The following FAM174C variants were observed in gnomAD, a reference collection of about 807,000 sequenced individuals.
The protein encoded by FAM174C is protein FAM174C.
Under a neutral mutation model 12.3 loss-of-function variants are expected in FAM174C, and 19 were observed. The ratio of observed to expected loss-of-function variants is 1.55; its 90% CI spans 1.08 to 2.27. The LOEUF (loss-of-function observed/expected upper bound fraction) is 2.27. Among genes scored for constraint, FAM174C ranks in the 30% most tolerant of loss-of-function variants. The probability of loss-of-function intolerance (pLI) is 0.00; values close to 1 mark genes in which losing one functional copy is unlikely to be tolerated. For missense variants in FAM174C, 239 were observed against 190.2 expected (o/e 1.26, Z -1.51); for synonymous variants, 147 against 103.5 (o/e 1.42, Z -2.55).
chr19:1,275,575 CGCT>C lies in FAM174C; in HGVS notation c.36_38del (p.Leu15del), dbSNP rs921409765. The stretch of plus-strand genomic sequence containing the variant: ...ATGGGGCCGCGCGTGCTGCAGCCGC[CGCT>C]GCTGCTGCTCCTGCTGGCGCTGCTG... On this transcript the variant is annotated inframe_deletion, in exon 1 of 3. Transcript: ENST00000409293. 9 of 1,226,144 alleles carry C rather than the reference CGCT, an allele frequency of 7.3e-6. No homozygotes were observed. The highest frequency in any genetic ancestry group is 3.8e-5 in the South Asian group (1 of 26,524). The allele number at this position is 1,226,144 out of a possible 1,614,324, so 76.0% of individuals were successfully genotyped here.
At position 1,275,738 on chromosome 19, in the gene FAM174C, G is replaced by C; in HGVS notation, c.189G>C (p.Pro63=). Residue 63 remains proline (P), a synonymous_variant, in exon 1 of 3, where the codon CCG becomes CCC. Transcript: ENST00000409293. ...ACAACAGCACGCACACGCGTCCGCC[G>C]GGGGCGTCGGGCTCGGCGCTGACGC... is the stretch of plus-strand genomic sequence containing the variant. ...APHNSTHTRP[P]GASGSALTRS... is the part of the protein sequence containing the mutation. 1 of 1,533,646 alleles carries C rather than the reference G, an allele frequency of 6.5e-7. No homozygotes were observed. The highest frequency in any genetic ancestry group is 8.7e-7 in the Non-Finnish European group (1 of 1,144,104).
At chr19:1,278,250 A>ATGGG (rs2081424213) in intron 2 of FAM174C, among the ~76,000 whole-genome samples, 1 of 13,124 alleles carries the variant, frequency 7.6e-5, no homozygotes, top group South Asian at 2.4e-3. Context: ...GGCTTCTGGA[A>ATGGG]GAGTGTCTCA....
chr19:1,278,599 A>C (rs1468648692), intron 2 of FAM174C, among the ~76,000 whole-genome samples, 178 bp from the exon 3 acceptor site: 1 of 93,616 alleles, frequency 1.1e-5, no homozygotes, highest in East Asian at 5.3e-4. Context: ...CTTCCCCCGG[A>C]GTGGGCAGTT....
At chr19:1,276,725 T>TC (rs1394446544) in intron 1 of FAM174C, 1 of 154,826 alleles carries the variant, frequency 6.5e-6, no homozygotes. Context: ...GTGCAGAGCC[T>TC]CCCCTGTGCT....
rs1442533528 is a variant in FAM174C at position 1,275,746 on chromosome 19, C to G, written c.197C>G (p.Ser66Trp). The G allele has an allele frequency of 1.3e-6, 2 of 1,535,182 alleles. No homozygotes were observed. The highest frequency in any genetic ancestry group is 1.4e-5 in the African/African-American group (1 of 71,808). Residue 66 changes from serine (S) to tryptophan (W), a missense_variant, in exon 1 of 3, where the codon TCG (serine) becomes TGG (tryptophan). By Grantham distance (177) the Ser-to-Trp change is radical. Coordinates refer to ENST00000409293, the MANE Select transcript of FAM174C (RefSeq NM_017914.4). The part of the protein sequence containing the change: ...NSTHTRPPGA[S>W]GSALTRSFYV... The stretch of plus-strand genomic sequence containing the variant: ...ACGCACACGCGTCCGCCGGGGGCGT[C>G]GGGCTCGGCGCTGACGCGCTCCTTC...
At chr19:1,275,976 G>A in intron 1 of FAM174C, 146 bp downstream of exon 1, 1 of 790,146 alleles carries the variant, frequency 1.3e-6, no homozygotes, top group East Asian at 2.9e-5. Context: ...GCGGTGCTGT[G>A]CGGGGTCGTC....
At chr19:1,278,331 G>A (rs948261757) in intron 2 of FAM174C, among the ~76,000 whole-genome samples, 3 of 152,180 alleles carry the variant, frequency 2.0e-5, no homozygotes, top group African/African-American at 7.2e-5. Context: ...CCTGGGCATC[G>A]AGGCAGCTGT....
chr19:1,275,933 T>TCCCTCCCTCCCTCCCA (rs2081412036), intron 1 of FAM174C, 103 bp downstream of exon 1: 1 of 952,802 alleles, frequency 1.0e-6, no homozygotes, highest in African/African-American at 2.6e-5. Flanking sequence ...CCTCCCTCCC[T>TCCCTCCCTCCCTCCCA]CCCTCCCTCT....
intron 1 of FAM174C, 35 bp downstream of exon 1, chr19:1,275,865 C>T (rs1458666416): frequency 1.1e-5 from 17 of 1,526,562 alleles, no homozygotes; most frequent in African/African-American, 4.2e-5. Context: ...GTCTCTCAGC[C>T]TTGGCCAATT....
intron 2 of FAM174C, among the ~76,000 whole-genome samples, 176 bp downstream of exon 2, chr19:1,277,475 A>G (rs926446316): frequency 2.0e-5 from 3 of 150,272 alleles, no homozygotes; most frequent in South Asian, 2.1e-4. Flanking sequence ...TCCATTTACA[A>G]CTTTTTTTTT....
chr19:1,275,795 C>G lies in FAM174C; in HGVS notation c.246C>G (p.Gly82=). ...RSFYVILGFC[G]LTALYFLIRA... ...TCTACGTGATCCTGGGCTTCTGCGGCCTGACCGCGCTCTACTTCCTGATCC... is the reference window on the plus strand; with the variant it reads ...TCTACGTGATCCTGGGCTTCTGCGGGCTGACCGCGCTCTACTTCCTGATCC... The change falls in exon 1 of 3, where the codon GGC becomes GGG. Residue 82 remains glycine, a synonymous_variant. Transcript: ENST00000409293. The G allele has an allele frequency of 6.5e-7, 1 of 1,538,696 alleles. No homozygotes were observed. The highest frequency in any genetic ancestry group is 8.7e-7 in the Non-Finnish European group (1 of 1,146,318).
At chr19:1,275,933 T>A (rs1396077514) in intron 1 of FAM174C, 103 bp downstream of exon 1, 8 of 950,252 alleles carry the variant, frequency 8.4e-6, no homozygotes, top group Non-Finnish European at 1.2e-5. Flanking sequence ...CCTCCCTCCC[T>A]CCCTCCCTCT....
chr19:1,275,933 T>G, intron 1 of FAM174C, 103 bp downstream of exon 1: 1 of 950,250 alleles, frequency 1.1e-6, no homozygotes, highest in South Asian at 1.5e-5. Context: ...CCTCCCTCCC[T>G]CCCTCCCTCT....
Position 1,275,537 on chromosome 19 carries a change from C to G in FAM174C, c.-13C>G. 8.3e-7 allele frequency: 1 copy of G among 1,205,522 alleles called. No individual in the cohort carries two copies. Among genetic ancestry groups the G allele is most frequent in the Middle Eastern group, 3.3e-4 (1 of 3,050 alleles). 74.7% of individuals were successfully genotyped at this position (1,205,522 alleles called of 1,614,324 possible). A position where few individuals can be genotyped will look rare whatever the true frequency, so the allele number is the denominator to read the frequency against. Reference sequence around the variant, plus strand: ...GCATAGGGGCGGGGCGCCGCCACCGCTTCCGCCGGGCCATGGGGCCGCGCG... The same window carrying G: ...GCATAGGGGCGGGGCGCCGCCACCGGTTCCGCCGGGCCATGGGGCCGCGCG... On this transcript the variant is annotated 5_prime_UTR_variant, in exon 1 of 3. Transcript: ENST00000409293.
At chr19:1,276,968 G>T (rs893442100) in intron 1 of FAM174C, 28 of 612,624 alleles carry the variant, frequency 4.6e-5, no homozygotes, top group Non-Finnish European at 6.8e-5. Context: ...AGATGGGAGG[G>T]CCTGGTAGGG....
chr19:1,276,829 G>T (rs1215955875), intron 1 of FAM174C: 1 of 167,316 alleles, frequency 6.0e-6, no homozygotes, highest in East Asian at 1.7e-4. Flanking sequence ...GCCACCAGGG[G>T]CTTGGCCCTG....
chr19:1,278,473 G>T (rs956944978), intron 2 of FAM174C, among the ~76,000 whole-genome samples: 16 of 152,118 alleles, frequency 1.1e-4, no homozygotes, highest in Non-Finnish European at 2.2e-4. Context: ...GCGGCCTCTG[G>T]GGACAGCTCT....
At chr19:1,278,133 C>T (rs2081423390) in intron 2 of FAM174C, among the ~76,000 whole-genome samples, 1 of 13,422 alleles carries the variant, frequency 7.5e-5, no homozygotes, top group South Asian at 2.6e-3. Context: ...GTTGCTCCAT[C>T]TGGGCCCCTC....
intron 1 of FAM174C, 191 bp from the exon 2 acceptor site, chr19:1,276,992 A>T: frequency 1.1e-6 from 1 of 877,770 alleles, no homozygotes; most frequent in South Asian, 2.3e-5. Context: ...ATGTCTTCTT[A>T]CTGTCATCGC....
Sources: allele counts gnomAD v4.1 joint callset (sites outside exome capture counted in the v4.1 genomes callset), GRCh38; gene constraint gnomAD v4.1.1; transcripts MANE v1.5; gene names NCBI Gene and HGNC (gene_info 2026-07-23, HGNC 2026-07-21).